BCAS3: variants seen among roughly 807,000 people sequenced by gnomAD.
BCAS3 encodes the protein BCAS4/BCAS3 fusion.
BCAS3 carries 53 observed loss-of-function variants against 116.1 expected under a neutral mutation model. The observed-to-expected ratio is 0.46, with a 90% CI of 0.37 to 0.57. The LOEUF (loss-of-function observed/expected upper bound fraction) is 0.57, where lower values mean the gene tolerates loss of function less well. Ranked by LOEUF, BCAS3 falls within the 20% of genes least tolerant of loss-of-function variation. The pLI is 0.00. For missense variants in BCAS3, 917 were observed against 1,165.4 expected, an observed-to-expected ratio of 0.79 and a Z score of 3.10; for synonymous variants, 391 against 408.2, an observed-to-expected ratio of 0.96 and a Z score of 0.51.
At chr17:60,936,814 G>T (rs373735291) in intron 13 of BCAS3, among the ~76,000 whole-genome samples, 4 of 152,128 alleles carry the variant, frequency 2.6e-5, no homozygotes, top group African/African-American at 9.7e-5. Flanking sequence ...TAGGTTGCCT[G>T]TTCACTCTGA....
chr17:61,331,967 G>A (rs1323667043), intron 22 of BCAS3, among the ~76,000 whole-genome samples: 1 of 152,098 alleles, frequency 6.6e-6, no homozygotes, highest in Admixed American at 6.5e-5. Context: ...GTACCAAACC[G>A]GCCTTTTTCC....
chr17:61,292,985 G>C (rs755027605), intron 22 of BCAS3, among the ~76,000 whole-genome samples: 1 of 152,102 alleles, frequency 6.6e-6, no homozygotes. Context: ...GCCAGAAGAA[G>C]GTTATTTATG....
intron 22 of BCAS3, among the ~76,000 whole-genome samples, chr17:61,149,925 G>A (rs1381814659): frequency 6.6e-6 from 1 of 152,212 alleles, no homozygotes; most frequent in Non-Finnish European, 1.5e-5. Context: ...CTCTGGCCAT[G>A]AGGTTAATTG....
At chr17:60,953,261 C>T in intron 14 of BCAS3, among the ~76,000 whole-genome samples, 1 of 152,182 alleles carries the variant, frequency 6.6e-6, no homozygotes, top group Non-Finnish European at 1.5e-5. Flanking sequence ...TTCTCCACAA[C>T]CTAAGGAGCA....
In BCAS3 at chr17:61,259,556, C is replaced by T. The variant is rs1356872501; in HGVS notation, c.2426-108771C>T. Among the ~76,000 whole-genome samples, 1 of 152,178 alleles carries T rather than the reference C, an allele frequency of 6.6e-6. No individual in the cohort carries two copies. Among genetic ancestry groups the T allele is most frequent in the Non-Finnish European group, 1.5e-5 (1 of 68,032 alleles). ...GTATGTGAACTGCTACTCCAGAAAG[C>T]AAGTTGGTCAACAGAAGAATTTTAA... On this transcript the variant is annotated intron_variant, in intron 22 of 23. Transcript: ENST00000407086. This position sits in a 1 kb window ranked among gnomAD's most constrained non-coding sequence, Gnocchi z 4.7.
chr17:61,150,859 C>T (rs749119869), intron 22 of BCAS3, among the ~76,000 whole-genome samples: 1 of 152,216 alleles, frequency 6.6e-6, no homozygotes, highest in Non-Finnish European at 1.5e-5. Flanking sequence ...CTCATCATTT[C>T]GTTTCTCACT....
At chr17:60,910,811 A>G in intron 12 of BCAS3, 109 bp downstream of exon 12, 1 of 1,018,338 alleles carries the variant, frequency 9.8e-7, no homozygotes, top group East Asian at 2.8e-5. Flanking sequence ...TTGGAATTTT[A>G]GGAATTCAGA....
At chr17:60,868,729 T>C in intron 8 of BCAS3, 46 bp downstream of exon 8, 8 of 1,201,438 alleles carry the variant, frequency 6.7e-6, no homozygotes, top group Non-Finnish European at 9.5e-6. Flanking sequence ...AGAAACATGC[T>C]CTCCTGGGCA....
At chr17:60,789,876 C>A (rs1356668504) in intron 6 of BCAS3, among the ~76,000 whole-genome samples, 4 of 152,118 alleles carry the variant, frequency 2.6e-5, no homozygotes, top group Admixed American at 2.0e-4. Flanking sequence ...CACTTTTATT[C>A]AAGATATCCA....
chr17:60,781,094 G>A (rs2045788261), intron 6 of BCAS3, among the ~76,000 whole-genome samples: 1 of 151,704 alleles, frequency 6.6e-6, no homozygotes, highest in African/African-American at 2.4e-5. Flanking sequence ...CCAGCCTCTG[G>A]AGTAGGTTGG....
In BCAS3 at chr17:61,243,157, G is replaced by A. The variant is rs1249242414; in HGVS notation, c.2426-125170G>A. 2.0e-5 allele frequency among the ~76,000 whole-genome samples: 3 copies of A among 152,112 alleles called. No individual in the cohort carries two copies. The highest frequency in any genetic ancestry group is 4.8e-5 in the African/African-American group (2 of 41,420). On this transcript the variant is annotated intron_variant, in intron 22 of 23. Coordinates refer to ENST00000407086, the MANE Select transcript of BCAS3 (RefSeq NM_017679.5). The surrounding 1 kb of genome is among the most constrained non-coding windows in gnomAD (Gnocchi z 5.6). Reference sequence around the variant, plus strand: ...CATCTCCTGACCTCGTGATCCGCCCGCCACGGCCTCCCAAAGTGCTGGGAT... The same window carrying A: ...CATCTCCTGACCTCGTGATCCGCCCACCACGGCCTCCCAAAGTGCTGGGAT...
At position 60,957,863 on chromosome 17, in the gene BCAS3, A is replaced by G. The variant is rs180810087; in HGVS notation, c.1221+10511A>G. On this transcript the variant is annotated intron_variant, in intron 14 of 23. Transcript: ENST00000407086. ...GTAAAATGCTTAGCAAAGCACTGGCACAGTAAATGCCAAATACAGAGTCAA... is the reference window on the plus strand; with the variant it reads ...GTAAAATGCTTAGCAAAGCACTGGCGCAGTAAATGCCAAATACAGAGTCAA... 2.2e-4 allele frequency among the ~76,000 whole-genome samples: 34 copies of G among 152,370 alleles called. 1 individual carries two copies. The East Asian group carries it at 4.6e-3, about 21-fold the overall frequency.
intron 7 of BCAS3, among the ~76,000 whole-genome samples, chr17:60,811,827 C>A (rs56902904): frequency 6.6e-6 from 1 of 152,124 alleles, no homozygotes; most frequent in Non-Finnish European, 1.5e-5. Flanking sequence ...GCCAGCGGAT[C>A]GCTTGAGCTC....
rs1054568763 is a variant in BCAS3 at position 61,097,134 on chromosome 17, TAAGG to T, written c.2425+12577_2425+12580del. ...TAATCAAACTGTTCAGATCTAAACA[TAAGG>T]AAGGAATTTTAAGAAGCCTACTCTG... On this transcript the variant is annotated intron_variant, in intron 22 of 23. Coordinates refer to ENST00000407086, the MANE Select transcript of BCAS3 (RefSeq NM_017679.5). This position sits in a 1 kb window ranked among gnomAD's most constrained non-coding sequence, Gnocchi z 4.0. Among the ~76,000 whole-genome samples the T allele has an allele frequency of 5.9e-5, 9 of 152,128 alleles. No individual in the cohort carries two copies. The highest frequency in any genetic ancestry group is 1.7e-4 in the African/African-American group (7 of 41,424).
At chr17:61,191,895 C>T (rs1294462848) in intron 22 of BCAS3, among the ~76,000 whole-genome samples, 3 of 152,044 alleles carry the variant, frequency 2.0e-5, no homozygotes, top group African/African-American at 4.8e-5. Flanking sequence ...AACAGTAGTT[C>T]GCTCAGAAAG....
intron 22 of BCAS3, among the ~76,000 whole-genome samples, chr17:61,345,494 G>A (rs1301523461): frequency 6.6e-6 from 1 of 152,068 alleles, no homozygotes; most frequent in Non-Finnish European, 1.5e-5. Flanking sequence ...GGGAACCCAT[G>A]GAAAAATGAA....
intron 16 of BCAS3, among the ~76,000 whole-genome samples, chr17:61,033,370 C>G (rs2066786953): frequency 6.6e-6 from 1 of 152,070 alleles, no homozygotes; most frequent in Non-Finnish European, 1.5e-5. Flanking sequence ...GAGCTGGGGA[C>G]AGTGCTTTGA....
intron 9 of BCAS3, among the ~76,000 whole-genome samples, chr17:60,879,380 C>T (rs1372382966): frequency 6.6e-6 from 1 of 152,154 alleles, no homozygotes; most frequent in Non-Finnish European, 1.5e-5. Flanking sequence ...CTGTGTCCAT[C>T]AGAGCAAGCA....
chr17:61,001,027 G>C (rs2064201135), intron 15 of BCAS3, among the ~76,000 whole-genome samples: 1 of 152,150 alleles, frequency 6.6e-6, no homozygotes, highest in South Asian at 2.1e-4. Flanking sequence ...TTTCCATTGA[G>C]TTAACAAACA....
Sources: gnomAD v4.1 joint callset for allele counts (sites outside exome capture counted in the v4.1 genomes callset) on GRCh38, gnomAD v4.1.1 for gene constraint, Gnocchi (gnomAD v3.1) non-coding constraint, MANE v1.5 for transcripts, NCBI Gene and HGNC (gene_info 2026-07-23, HGNC 2026-07-21) for gene names.